Variants in SLC6A20 observed in about 807,000 individuals in gnomAD.
The protein encoded by SLC6A20 is solute carrier family 6 member 20, also known as sodium- and chloride-dependent transporter XTRP3.
Under a neutral mutation model 64.3 loss-of-function variants are expected in SLC6A20, and 73 were observed. The observed-to-expected ratio is 1.14, with a 90% CI of 0.94 to 1.38. The LOEUF (loss-of-function observed/expected upper bound fraction) is 1.38. Among genes scored for constraint, SLC6A20 ranks in the 40% most tolerant of loss-of-function variants. The pLI is 0.00. For missense variants in SLC6A20, 725 were observed against 772.8 expected, an observed-to-expected ratio of 0.94 and a Z score of 0.73; for synonymous variants, 347 against 329.6, an observed-to-expected ratio of 1.05 and a Z score of -0.57.
At chr3:45,780,786 G>A (rs967633988) in intron 2 of SLC6A20, among the ~76,000 whole-genome samples, 9 of 152,158 alleles carry the variant, frequency 5.9e-5, no homozygotes, top group African/African-American at 1.9e-4. Context: ...TGGGACACTC[G>A]GTAGTAGAAA....
intron 7 of SLC6A20, among the ~76,000 whole-genome samples, chr3:45,767,788 G>C (rs1028960655): frequency 2.6e-5 from 4 of 152,160 alleles, no homozygotes; most frequent in African/African-American, 9.7e-5. Flanking sequence ...TCATGAGAAA[G>C]AGAAAAAGCT....
rs60563353 is a variant in SLC6A20 at position 45,785,613 on chromosome 3, T to TTCTCTCTCTCTCTCTCTCTC, written c.122-3410_122-3391dup. On this transcript the variant is annotated intron_variant, in intron 1 of 10. Coordinates refer to ENST00000358525, the MANE Select transcript of SLC6A20 (RefSeq NM_020208.4). ...GAGTTAATACTTAATAAACTCCCCT[T>TTCTCTCTCTCTCTCTCTCTC]TCTCTCTCTCTCTCTCTCTCTCTCT... is the stretch of plus-strand genomic sequence containing the variant. 1.3e-3 allele frequency among the ~76,000 whole-genome samples: 187 copies of TTCTCTCTCTCTCTCTCTCTC among 141,080 alleles called. 5 individuals are homozygous for TTCTCTCTCTCTCTCTCTCTC. In the South Asian group the frequency reaches 0.022, roughly 16 times the overall value. The allele number at this position is 141,080 out of a possible 152,430, so 92.6% of individuals were successfully genotyped here. A position where few individuals can be genotyped will look rare whatever the true frequency, so the allele number is the denominator to read the frequency against.
chr3:45,773,669 T>C lies in SLC6A20; in HGVS notation c.583-1054A>G, dbSNP rs1000752005. Among the ~76,000 whole-genome samples the C allele has an allele frequency of 7.4e-5, 11 of 149,308 alleles. No individual in the cohort carries two copies. The East Asian group carries it at 1.4e-3, about 19-fold the overall frequency. ...TGTGAGAAATATGGCTGGTGGCCTA[T>C]GTTCAGGTGGGCTTGAATTACACTT... On this transcript the variant is annotated intron_variant, in intron 4 of 10. Coordinates refer to ENST00000358525, the MANE Select transcript of SLC6A20 (RefSeq NM_020208.4).
intron 5 of SLC6A20, chr3:45,772,173 G>A (rs1276128364): frequency 1.5e-5 from 4 of 273,422 alleles, no homozygotes; most frequent in African/African-American, 9.0e-5. Flanking sequence ...CCAGAGTGGT[G>A]CTCATGGCAA....
At position 45,775,776 on chromosome 3, in the gene SLC6A20, G is replaced by C; in HGVS notation, c.567C>G (p.Thr189=). The change falls in exon 4 of 11, where the codon ACC becomes ACG. Residue 189 remains threonine (T), a synonymous_variant. Transcript: ENST00000358525. ...ACTGTCCCACCTTGCCAGTGGACTC[G>C]GTGCCACGCAGGATGCACAGGTACA... is the stretch of plus-strand genomic sequence containing the variant. ...LVVYLCILRG[T]ESTGKVVYFT... The C allele has an allele frequency of 6.2e-7, 1 of 1,613,644 alleles. No homozygotes were observed. Among genetic ancestry groups the C allele is most frequent in the South Asian group, 1.1e-5 (1 of 91,066 alleles).
At chr3:45,779,988 G>A in intron 3 of SLC6A20, 21 bp downstream of exon 3, 1 of 1,582,390 alleles carries the variant, frequency 6.3e-7, no homozygotes, top group South Asian at 1.2e-5. Context: ...CTCCTGTTCT[G>A]GCACGGGCCC....
intron 2 of SLC6A20, 146 bp downstream of exon 2, chr3:45,781,937 C>G: frequency 2.6e-6 from 3 of 1,158,916 alleles, no homozygotes; most frequent in South Asian, 2.4e-5. Context: ...TCATCCCCAC[C>G]AGGCCATTTG....
At chr3:45,783,419 G>C (rs2742400) in intron 1 of SLC6A20, among the ~76,000 whole-genome samples, 151,151 of 152,392 alleles carry the variant, frequency 0.99, 74,963 homozygotes, top group Middle Eastern at 1. Flanking sequence ...CACGTGCTGT[G>C]CTGTAACCCA....
Position 45,772,551 on chromosome 3 carries a change from G to A in SLC6A20, c.647C>T (p.Thr216Met), listed in dbSNP as rs777020355. 26 of 1,613,840 alleles carry A rather than the reference G, an allele frequency of 1.6e-5. No individual in the cohort carries two copies. In the East Asian group the frequency reaches 2.0e-4, roughly 12 times the overall value. The change falls in exon 5 of 11, where the codon ACG becomes ATG. Residue 216 changes from threonine to methionine, a missense_variant. Thr to Met is a moderately conservative substitution (Grantham distance 81). Coordinates refer to ENST00000358525, the MANE Select transcript of SLC6A20 (RefSeq NM_020208.4). Reference sequence around the variant, plus strand: ...GAGGCCATTGGTGGCTCCGTGGAGCGTGAGGCCCCTGATGAGGTAGATGAT... The same window carrying A: ...GAGGCCATTGGTGGCTCCGTGGAGCATGAGGCCCCTGATGAGGTAGATGAT... ...VLIIYLIRGL[T>M]LHGATNGLMY...
At chr3:45,762,425 A>C (rs1370146965) in intron 9 of SLC6A20, among the ~76,000 whole-genome samples, 1 of 152,248 alleles carries the variant, frequency 6.6e-6, no homozygotes, top group African/African-American at 2.4e-5. Flanking sequence ...CTCTTGCCCC[A>C]GCTGCACATT....
rs775911371 is a variant in SLC6A20, at chr3:45,772,544, G to A, written c.654C>T (p.His218=). 24 of 1,613,846 alleles carry A rather than the reference G, an allele frequency of 1.5e-5. No homozygotes were observed. The highest frequency in any genetic ancestry group is 1.3e-4 in the Admixed American group (8 of 59,968). ...IIYLIRGLTL[H]GATNGLMYMF... ...TGTACATGAGGCCATTGGTGGCTCC[G>A]TGGAGCGTGAGGCCCCTGATGAGGT... Residue 218 remains histidine (H), a synonymous_variant, in exon 5 of 11, where the codon CAC becomes CAT. Coordinates refer to ENST00000358525, the MANE Select transcript of SLC6A20 (RefSeq NM_020208.4).
intron 1 of SLC6A20, among the ~76,000 whole-genome samples, chr3:45,792,454 C>T (rs2125659047): frequency 6.6e-6 from 1 of 152,326 alleles, no homozygotes; most frequent in South Asian, 2.1e-4. Flanking sequence ...AAATGCCTCA[C>T]ATGATGCCTG....
intron 1 of SLC6A20, among the ~76,000 whole-genome samples, chr3:45,791,157 T>C (rs531360459): frequency 4.7e-4 from 72 of 152,334 alleles, no homozygotes; most frequent in African/African-American, 1.7e-3. Context: ...CTGTACCCTA[T>C]AATCACCATA....
intron 10 of SLC6A20, 65 bp downstream of exon 10, chr3:45,759,792 T>C (rs1160825139): frequency 1.3e-6 from 2 of 1,527,360 alleles, no homozygotes; most frequent in Non-Finnish European, 1.8e-6. Context: ...TTTCGGAAAA[T>C]GAATGGCCCA....
At position 45,770,231 on chromosome 3, in the gene SLC6A20, C is replaced by T; in HGVS notation, c.1076G>A (p.Ser359Asn). 1 of 1,614,220 alleles carries T rather than the reference C, an allele frequency of 6.2e-7. No individual in the cohort carries two copies. The highest frequency in any genetic ancestry group is 8.5e-7 in the Non-Finnish European group (1 of 1,180,044). Residue 359 changes from serine (S) to asparagine (N), a missense_variant, in exon 7 of 11, where the codon AGC (serine) becomes AAC (asparagine). Transcript: ENST00000358525. ...TACCGTGTCTAGCTCCGATTCCAAG[C>T]TGCAGTTTTTGATTTGCGGGAACAT... is the stretch of plus-strand genomic sequence containing the variant. The part of the protein sequence containing the change: ...SEMFPQIKNC[S>N]LESELDTAVQ...
chr3:45,780,148 C>A (rs746733289), intron 2 of SLC6A20, 48 bp from the exon 3 acceptor site: 1 of 1,536,360 alleles, frequency 6.5e-7, no homozygotes, highest in Non-Finnish European at 8.8e-7. Context: ...TGGCCCTTCC[C>A]CCTCCGCCAG....
At position 45,783,421 on chromosome 3, in the gene SLC6A20, T is replaced by C. The variant is rs1700127570; in HGVS notation, c.122-1198A>G. ...TCTCCATTGTACACACGTGCTGTGCTGTAACCCACTCTTCTCACCCTATGG... is the reference window on the plus strand; with the variant it reads ...TCTCCATTGTACACACGTGCTGTGCCGTAACCCACTCTTCTCACCCTATGG... On this transcript the variant is annotated intron_variant, in intron 1 of 10. Coordinates refer to ENST00000358525, the MANE Select transcript of SLC6A20 (RefSeq NM_020208.4). Among the ~76,000 whole-genome samples, 3 of 152,274 alleles carry C rather than the reference T, an allele frequency of 2.0e-5. 1 individual carries two copies. The South Asian group carries it at 6.2e-4, about 32-fold the overall frequency.
chr3:45,771,288 T>C lies in SLC6A20; in HGVS notation c.864A>G (p.Ile288Met). 1.2e-6 allele frequency: 2 copies of C among 1,614,050 alleles called. No individual in the cohort carries two copies. Among genetic ancestry groups the C allele is most frequent in the Non-Finnish European group, 1.7e-6 (2 of 1,180,006 alleles). The change falls in exon 6 of 11, where the codon ATA becomes ATG. Residue 288 changes from isoleucine (I) to methionine (M), a missense_variant. Ile to Met is a conservative substitution (Grantham distance 10). Transcript: ENST00000358525. ...TGGAGAAGGTGACAATGCTGGCAAATATGGAGGTGAAGCTGTTGATGAGGG... is the reference window on the plus strand; with the variant it reads ...TGGAGAAGGTGACAATGCTGGCAAACATGGAGGTGAAGCTGTTGATGAGGG... ...IVSLINSFTS[I>M]FASIVTFSIY...
intron 10 of SLC6A20, among the ~76,000 whole-genome samples, 196 bp from the exon 11 acceptor site, chr3:45,759,323 C>A (rs562655687): frequency 6.6e-6 from 1 of 152,350 alleles, no homozygotes; most frequent in African/African-American, 2.4e-5. Flanking sequence ...CCTTCTTTTT[C>A]TTCCATAAAC....
Sources: gnomAD v4.1 joint callset for allele counts (sites outside exome capture counted in the v4.1 genomes callset) on GRCh38, gnomAD v4.1.1 for gene constraint, MANE v1.5 for transcripts, NCBI Gene and HGNC (gene_info 2026-07-23, HGNC 2026-07-21) for gene names.